Variants in PRRC2C observed in about 807,000 individuals in gnomAD.
The protein encoded by PRRC2C is protein PRRC2C.
PRRC2C carries 72 observed loss-of-function variants against 317.2 expected under a neutral mutation model. The observed-to-expected ratio is 0.23, with a 90% CI of 0.19 to 0.28. PRRC2C has a LOEUF of 0.28. Ranked by LOEUF, PRRC2C falls within the 10% of genes least tolerant of loss-of-function variation. PRRC2C has a pLI of 1.00. For missense variants in PRRC2C, 3,074 were observed against 3,459.7 expected (o/e 0.89, Z 2.80); for synonymous variants, 1,296 against 1,205.9 (o/e 1.07, Z -1.55).
chr1:171,577,410 C>CT, intron 25 of PRRC2C, 24 bp from the exon 26 acceptor site: 1 of 1,548,674 alleles, frequency 6.5e-7, no homozygotes, highest in Non-Finnish European at 8.9e-7. Context: ...CTATTTTCCC[C>CT]TTTATTTGCT....
At chr1:171,535,933 A>G (rs757163056) in intron 13 of PRRC2C, 96 bp from the exon 14 acceptor site, 5 of 1,439,746 alleles carry the variant, frequency 3.5e-6, no homozygotes, top group Non-Finnish European at 4.7e-6. Context: ...TTTTCCTTCA[A>G]GGATTCAAAA....
intron 17 of PRRC2C, 147 bp downstream of exon 17, chr1:171,545,834 AT>A: frequency 2.3e-6 from 1 of 438,986 alleles, no homozygotes; most frequent in East Asian, 4.5e-5. Context: ...ATAGTGGCTG[AT>A]TATGAAACAC....
intron 2 of PRRC2C, chr1:171,512,601 C>T (rs1671593349): frequency 4.4e-6 from 1 of 225,134 alleles, no homozygotes; most frequent in African/African-American, 2.3e-5. Flanking sequence ...GATACTGTGA[C>T]CTAGTGAATA....
At chr1:171,557,219 G>T (rs780824488) in intron 18 of PRRC2C, 21 bp from the exon 19 acceptor site, 2 of 1,520,752 alleles carry the variant, frequency 1.3e-6, no homozygotes, top group Non-Finnish European at 8.8e-7. Context: ...TGACAAAAAT[G>T]GTCCCCGTTA....
intron 11 of PRRC2C, among the ~76,000 whole-genome samples, chr1:171,531,707 A>G (rs1344881805): frequency 6.6e-6 from 1 of 152,190 alleles, no homozygotes; most frequent in Non-Finnish European, 1.5e-5. Flanking sequence ...AGTCATTGAA[A>G]CTTGGATGTT....
intron 5 of PRRC2C, among the ~76,000 whole-genome samples, chr1:171,516,733 A>C (rs551728655): frequency 1.3e-5 from 2 of 152,310 alleles, no homozygotes; most frequent in East Asian, 3.9e-4. Flanking sequence ...ACTCTCTCTC[A>C]AAGCCGCGAT....
chr1:171,521,612 G>A (rs1352539951), intron 6 of PRRC2C, among the ~76,000 whole-genome samples: 1 of 145,618 alleles, frequency 6.9e-6, no homozygotes, highest in African/African-American at 2.6e-5. Context: ...TCTTCCCCAC[G>A]CCTGCCACCC....
At chr1:171,585,465 C>T (rs1558054989) in intron 30 of PRRC2C, among the ~76,000 whole-genome samples, 2 of 152,056 alleles carry the variant, frequency 1.3e-5, no homozygotes, top group East Asian at 3.8e-4. Context: ...AGTCATTAGT[C>T]ATTTTCTTAT....
chr1:171,563,621 T>C (rs1348872592), intron 20 of PRRC2C, among the ~76,000 whole-genome samples: 1 of 151,568 alleles, frequency 6.6e-6, no homozygotes, highest in East Asian at 1.9e-4. Flanking sequence ...TGCTAAAAGA[T>C]TTTTTTTTCT....
At position 171,537,254 on chromosome 1, in the gene PRRC2C, T is replaced by C. The variant is rs746739206; in HGVS notation, c.2294-9T>C. ...CCTCATTTCACCTTTTTCTGAACTT[T>C]TGTTACAGGAATGATTCCTCCTAAA... On this transcript the variant is annotated splice_polypyrimidine_tract_variant and intron_variant, in intron 14 of 34. Coordinates refer to ENST00000647382, the MANE Select transcript of PRRC2C (RefSeq NM_001387844.1). 5 of 1,570,138 alleles carry C rather than the reference T, an allele frequency of 3.2e-6. No homozygotes were observed. Among genetic ancestry groups the C allele is most frequent in the Non-Finnish European group, 3.5e-6 (4 of 1,154,632 alleles).
At chr1:171,549,763 T>A (rs1557978788) in intron 17 of PRRC2C, among the ~76,000 whole-genome samples, 1 of 152,156 alleles carries the variant, frequency 6.6e-6, no homozygotes, top group Non-Finnish European at 1.5e-5. Context: ...AGTTTTGCCA[T>A]GTTGGCCAGG....
In PRRC2C at chr1:171,515,774, C is replaced by A; in HGVS notation, c.441C>A (p.Ser147Arg). The change falls in exon 5 of 35, where the codon AGC (serine) becomes AGA (arginine). Residue 147 changes from serine (S) to arginine (R), a missense_variant. Physicochemically the swap from Ser to Arg is moderately radical, Grantham distance 110 (BLOSUM62 -1). This residue lies in a region of PRRC2C where 237 missense variants were observed against 199.5 expected (regional missense o/e 1.19). Coordinates refer to ENST00000647382, the MANE Select transcript of PRRC2C (RefSeq NM_001387844.1). ...GTCAGTTTCAGCAAGAATTTCCCAG[C>A]CTGCAGGCAGCTGGGGATCAGGAAA... The part of the protein sequence containing the change: ...VNSQFQQEFP[S>R]LQAAGDQEKK... 1 of 1,610,750 alleles carries A rather than the reference C, an allele frequency of 6.2e-7. No homozygotes were observed. Among genetic ancestry groups the A allele is most frequent in the African/African-American group, 1.3e-5 (1 of 74,840 alleles).
rs149685925 is a variant in PRRC2C at position 171,578,127 on chromosome 1, T to C, written c.7159+490T>C. Among the ~76,000 whole-genome samples the C allele has an allele frequency of 1.6e-3, 248 of 152,100 alleles. 3 individuals carry two copies. The East Asian group carries it at 0.039, about 24-fold the overall frequency. ...GGCATAATTCTTTTTAAAAGTGTCTTGGAAAATATAAGTGTACATACTTAC... is the reference window on the plus strand; with the variant it reads ...GGCATAATTCTTTTTAAAAGTGTCTCGGAAAATATAAGTGTACATACTTAC... On this transcript the variant is annotated intron_variant, in intron 26 of 34. Coordinates refer to ENST00000647382, the MANE Select transcript of PRRC2C (RefSeq NM_001387844.1).
chr1:171,489,149 G>C (rs956670103), intron 1 of PRRC2C, among the ~76,000 whole-genome samples: 1 of 152,110 alleles, frequency 6.6e-6, no homozygotes, highest in African/African-American at 2.4e-5. Flanking sequence ...AAACACAAAA[G>C]AATAGACCCA....
Position 171,536,166 on chromosome 1 carries a change from T to G in PRRC2C, c.2181T>G (p.Pro727=). The G allele has an allele frequency of 6.2e-7, 1 of 1,611,350 alleles. No individual in the cohort carries two copies. Residue 727 remains proline (P), a synonymous_variant, in exon 14 of 35, where the codon CCT becomes CCG. Coordinates refer to ENST00000647382, the MANE Select transcript of PRRC2C (RefSeq NM_001387844.1). ...RPLYQPMQPH[P]QHLASMGFDP... ...TTTATCAGCCTATGCAGCCTCATCC[T>G]CAGCATTTGGCTTCTATGGGTTTTG...
chr1:171,516,212 C>T (rs911843993), intron 5 of PRRC2C, among the ~76,000 whole-genome samples: 3 of 152,100 alleles, frequency 2.0e-5, no homozygotes, highest in Admixed American at 6.5e-5. Flanking sequence ...TATTAATATT[C>T]GGTGATTCCT....
chr1:171,523,215 C>T lies in PRRC2C; in HGVS notation c.834-6C>T, dbSNP rs1269645252. 3 of 1,604,014 alleles carry T rather than the reference C, an allele frequency of 1.9e-6. No individual in the cohort carries two copies. The highest frequency in any genetic ancestry group is 1.1e-5 in the South Asian group (1 of 89,648). On this transcript the variant is annotated splice_polypyrimidine_tract_variant and splice_region_variant and intron_variant, in intron 7 of 34. Transcript: ENST00000647382. ...TGTATCTTTTCCATGACCTGCCTTTCATTAGAGGCCTTCGAGGAAGAGGCC... is the reference window on the plus strand; with the variant it reads ...TGTATCTTTTCCATGACCTGCCTTTTATTAGAGGCCTTCGAGGAAGAGGCC...
At chr1:171,488,533 G>A (rs1217591912) in intron 1 of PRRC2C, among the ~76,000 whole-genome samples, 1 of 152,170 alleles carries the variant, frequency 6.6e-6, no homozygotes, top group Non-Finnish European at 1.5e-5. Flanking sequence ...TAACTCTGTT[G>A]CCCTGGCTGG....
chr1:171,549,543 A>G (rs1216786980), intron 17 of PRRC2C, among the ~76,000 whole-genome samples: 3 of 152,098 alleles, frequency 2.0e-5, no homozygotes, highest in Non-Finnish European at 2.9e-5. Context: ...AAGAAAAAAG[A>G]CCTATATCAT....
Sources: gnomAD v4.1 joint callset for allele counts (sites outside exome capture counted in the v4.1 genomes callset) on GRCh38, gnomAD v4.1.1 for gene constraint, gnomAD v4.1.1 regional missense constraint, MANE v1.5 for transcripts, NCBI Gene and HGNC (gene_info 2026-07-23, HGNC 2026-07-21) for gene names.